Variants in FAM107B observed in about 807,000 individuals in gnomAD.
FAM107B encodes protein FAM107B.
Under a neutral mutation model 31.5 loss-of-function variants are expected in FAM107B, and 21 were observed. That is an observed-to-expected ratio of 0.67 (90% CI 0.47 to 0.96). FAM107B has a LOEUF of 0.96. Ranked by LOEUF, FAM107B falls within the 40% of genes least tolerant of loss-of-function variation. FAM107B has a pLI of 0.00. For missense variants in FAM107B, 452 were observed against 377.1 expected (o/e 1.20, Z -1.64); for synonymous variants, 157 against 141.5 (o/e 1.11, Z -0.78).
intron 2 of FAM107B, among the ~76,000 whole-genome samples, chr10:14,655,024 C>T (rs925634028): frequency 6.6e-6 from 1 of 152,198 alleles, no homozygotes; most frequent in Non-Finnish European, 1.5e-5. Context: ...ACTCATGGTT[C>T]TGCAGGCTGT....
At chr10:14,677,115 G>T (rs1713692846) in intron 1 of FAM107B, among the ~76,000 whole-genome samples, 1 of 152,040 alleles carries the variant, frequency 6.6e-6, no homozygotes, top group African/African-American at 2.4e-5. Flanking sequence ...ATCCACAAGG[G>T]TTGATCCCAG....
chr10:14,699,244 A>C (rs963434156), intron 1 of FAM107B, among the ~76,000 whole-genome samples: 2 of 152,170 alleles, frequency 1.3e-5, no homozygotes, highest in Non-Finnish European at 1.5e-5. Context: ...ATAGAGATAT[A>C]GATATTTTGA....
chr10:14,580,809 G>A (rs1302823675), intron 2 of FAM107B, among the ~76,000 whole-genome samples: 2 of 152,108 alleles, frequency 1.3e-5, no homozygotes, highest in African/African-American at 4.8e-5. Context: ...CCTCACACTT[G>A]GCCTCCCAGG....
chr10:14,767,091 G>C lies in FAM107B; in HGVS notation c.411+7162C>G, dbSNP rs1477781291. Among the ~76,000 whole-genome samples, 346 of 110,582 alleles carry C rather than the reference G, an allele frequency of 3.1e-3. 1 individual carries two copies. Among genetic ancestry groups the C allele is most frequent in the African/African-American group, 0.01 (236 of 23,138 alleles). The allele number at this position is 110,582 out of a possible 152,430, so 72.5% of individuals were successfully genotyped here. A position where few individuals can be genotyped will look rare whatever the true frequency, so the allele number is the denominator to read the frequency against. ...AGAGAGAGAGAGAGAGAGAGAGAGA[G>C]AGAGAGAGACAGAGAGAGAGAGAGA... On this transcript the variant is annotated intron_variant, in intron 1 of 4. Transcript: ENST00000181796.
intron 1 of FAM107B, among the ~76,000 whole-genome samples, chr10:14,724,697 A>C (rs927614623): frequency 3.3e-5 from 5 of 152,132 alleles, no homozygotes; most frequent in African/African-American, 4.8e-5. Flanking sequence ...GGAAAAAAAA[A>C]AACAACACCT....
In FAM107B at chr10:14,625,453, C is replaced by A. The variant is rs113926564; in HGVS notation, c.469+42181G>T. Reference sequence around the variant, plus strand: ...GCCTGCCCCCTGCTCTGAGATGAAGCCTTTGTAACTGCTCCAGCCAGGGCC... The same window carrying A: ...GCCTGCCCCCTGCTCTGAGATGAAGACTTTGTAACTGCTCCAGCCAGGGCC... On this transcript the variant is annotated intron_variant, in intron 2 of 4. Transcript: ENST00000181796. Among the ~76,000 whole-genome samples, 1,019 of 152,186 alleles carry A rather than the reference C, an allele frequency of 6.7e-3. 12 individuals carry two copies. The highest frequency in any genetic ancestry group is 0.023 in the African/African-American group (945 of 41,524).
At chr10:14,595,103 G>A (rs566696293) in intron 2 of FAM107B, among the ~76,000 whole-genome samples, 48 of 152,148 alleles carry the variant, frequency 3.2e-4, no homozygotes, top group African/African-American at 1.1e-3. Context: ...AAGACTGGGG[G>A]TGGGAGGGGG....
chr10:14,607,799 G>A (rs1852630808), intron 2 of FAM107B, among the ~76,000 whole-genome samples: 1 of 152,188 alleles, frequency 6.6e-6, no homozygotes. Flanking sequence ...ACATTACAAA[G>A]GGAACACTCC....
chr10:14,644,481 C>A (rs1853705222), intron 2 of FAM107B, among the ~76,000 whole-genome samples: 1 of 152,212 alleles, frequency 6.6e-6, no homozygotes, highest in Non-Finnish European at 1.5e-5. Flanking sequence ...ACCCATTACA[C>A]CATGTACATT....
intron 2 of FAM107B, among the ~76,000 whole-genome samples, chr10:14,540,575 A>G (rs190813333): frequency 1.3e-3 from 201 of 151,654 alleles, no homozygotes; most frequent in African/African-American, 4.7e-3. Flanking sequence ...TTCTGCCCAC[A>G]CTTCCTCTTC....
intron 1 of FAM107B, among the ~76,000 whole-genome samples, chr10:14,682,221 T>A (rs1359817394): frequency 6.6e-6 from 1 of 152,218 alleles, no homozygotes; most frequent in Non-Finnish European, 1.5e-5. Flanking sequence ...ATGTTTAGGA[T>A]GAACATAAAA....
At position 14,759,582 on chromosome 10, in the gene FAM107B, T is replaced by G. The variant is rs182895027; in HGVS notation, c.411+14671A>C. On this transcript the variant is annotated intron_variant, in intron 1 of 4. Transcript: ENST00000181796. The stretch of plus-strand genomic sequence containing the variant: ...TGGGGGCGCTGTCATTTTGTCTTTT[T>G]ATCTATTAAGATTAGCACCTAGAAC... Among the ~76,000 whole-genome samples the G allele has an allele frequency of 7.2e-5, 11 of 152,334 alleles. No homozygotes were observed. The East Asian group carries it at 2.1e-3, about 29-fold the overall frequency.
chr10:14,723,726 G>T lies in FAM107B; in HGVS notation c.411+50527C>A. On this transcript the variant is annotated intron_variant, in intron 1 of 4. Coordinates refer to ENST00000181796, the MANE Select transcript of FAM107B (RefSeq NM_031453.4). ...GCTCCCAGAAGGCTGCCTGGATCTG[G>T]TTAGTGAAGGTTCCAGGGGTGAAGT... is the stretch of plus-strand genomic sequence containing the variant. The T allele has an allele frequency of 4.0e-6, 3 of 757,700 alleles. No individual in the cohort carries two copies. In the South Asian group the frequency reaches 4.0e-5, roughly 10 times the overall value. The allele number at this position is 757,700 out of a possible 1,614,324, so 46.9% of individuals were successfully genotyped here.
chr10:14,618,361 A>G (rs141057764), intron 2 of FAM107B, among the ~76,000 whole-genome samples: 173 of 152,304 alleles, frequency 1.1e-3, no homozygotes, highest in African/African-American at 3.9e-3. Context: ...CGTTATAAAC[A>G]TCTCACACAG....
intron 1 of FAM107B, among the ~76,000 whole-genome samples, chr10:14,718,233 A>G (rs558650535): frequency 6.6e-6 from 1 of 152,280 alleles, no homozygotes; most frequent in South Asian, 2.1e-4. Flanking sequence ...AGGCTGAGGC[A>G]GCAGAATAGC....
At chr10:14,539,751 A>ATT (rs1339900461) in intron 2 of FAM107B, among the ~76,000 whole-genome samples, 14 of 152,230 alleles carry the variant, frequency 9.2e-5, no homozygotes, top group Non-Finnish European at 1.0e-4. Flanking sequence ...ACAGACAACT[A>ATT]TAACAGCCCC....
chr10:14,720,978 A>G (rs1469027933), intron 1 of FAM107B, among the ~76,000 whole-genome samples: 3 of 152,122 alleles, frequency 2.0e-5, no homozygotes, highest in Non-Finnish European at 4.4e-5. Flanking sequence ...ATTTCTCCCA[A>G]TGCTATCCCT....
chr10:14,748,159 G>A (rs915385303), intron 1 of FAM107B, among the ~76,000 whole-genome samples: 1 of 152,114 alleles, frequency 6.6e-6, no homozygotes, highest in African/African-American at 2.4e-5. Context: ...TAGATTGTGG[G>A]CTACTTAAGA....
At chr10:14,615,474 T>G (rs1325153222) in intron 2 of FAM107B, among the ~76,000 whole-genome samples, 2 of 152,258 alleles carry the variant, frequency 1.3e-5, no homozygotes, top group South Asian at 4.1e-4. Flanking sequence ...TAGCCAAGTT[T>G]CCTGTGAGGC....
Sources: allele counts gnomAD v4.1 joint callset (sites outside exome capture counted in the v4.1 genomes callset), GRCh38; gene constraint gnomAD v4.1.1; transcripts MANE v1.5; gene names NCBI Gene and HGNC (gene_info 2026-07-23, HGNC 2026-07-21).